TYR: variants seen among roughly 807,000 people sequenced by gnomAD.
TYR encodes tyrosinase.
In TYR, 58 loss-of-function variants were observed where a neutral mutation model predicts 51.5. The observed-to-expected ratio is 1.13, with a 90% CI of 0.91 to 1.40. TYR has a LOEUF of 1.40. Among genes scored for constraint, TYR ranks in the 40% most tolerant of loss-of-function variants. TYR has a pLI of 0.00. For missense variants in TYR, 732 were observed against 647.4 expected (o/e 1.13, Z -1.42); for synonymous variants, 263 against 235.2 (o/e 1.12, Z -1.08).
Position 89,182,060 on chromosome 11 carries a change from G to A in TYR, c.819+3288G>A, listed in dbSNP as rs142145204. ...CTCAGGTAGAGTTGACCCTCTCCCC[G>A]TCTTTGTGCTATCATTGTACTTTAT... On this transcript the variant is annotated intron_variant, in intron 1 of 4. Coordinates refer to ENST00000263321, the MANE Select transcript of TYR (RefSeq NM_000372.5). Among the ~76,000 whole-genome samples the A allele has an allele frequency of 5.6e-3, 849 of 152,178 alleles. 6 individuals carry two copies. Among genetic ancestry groups the A allele is most frequent in the African/African-American group, 0.019 (798 of 41,540 alleles).
At chr11:89,257,579 G>A (rs958068970) in intron 3 of TYR, among the ~76,000 whole-genome samples, 3 of 152,080 alleles carry the variant, frequency 2.0e-5, no homozygotes, top group East Asian at 1.9e-4. Context: ...AATGAGACAT[G>A]AAATGTTAAT....
intron 3 of TYR, among the ~76,000 whole-genome samples, chr11:89,273,332 G>C (rs545313534): frequency 6.6e-6 from 1 of 151,900 alleles, no homozygotes; most frequent in Admixed American, 6.6e-5. Context: ...ATGTGTCAGA[G>C]AATAGGGAGG....
chr11:89,196,394 C>A lies in TYR; in HGVS notation c.1036+4976C>A, dbSNP rs571882601. On this transcript the variant is annotated intron_variant, in intron 2 of 4. Coordinates refer to ENST00000263321, the MANE Select transcript of TYR (RefSeq NM_000372.5). ...TTCAAAAATGAGGTGACAGCAGGAA[C>A]AAAGGTATCTTCTGTTACCCAAAAG... Among the ~76,000 whole-genome samples the A allele has an allele frequency of 2.7e-4, 41 of 152,140 alleles. No homozygotes were observed. The South Asian group carries it at 5.6e-3, about 21-fold the overall frequency.
intron 3 of TYR, among the ~76,000 whole-genome samples, chr11:89,257,185 C>G (rs1211718621): frequency 1.3e-5 from 2 of 151,980 alleles, no homozygotes; most frequent in Admixed American, 6.6e-5. Context: ...CTTACACATT[C>G]TCAGCCCCAG....
intron 3 of TYR, among the ~76,000 whole-genome samples, chr11:89,269,773 G>A (rs1343600894): frequency 4.0e-5 from 6 of 151,840 alleles, no homozygotes; most frequent in African/African-American, 1.5e-4. Flanking sequence ...TACTCTTAAA[G>A]TGTGGAGTTC....
rs763127567 is a variant in TYR at position 89,227,847 on chromosome 11, T to C, written c.1061T>C (p.Ile354Thr). 3 of 1,613,216 alleles carry C rather than the reference T, an allele frequency of 1.9e-6. No homozygotes were observed. The highest frequency in any genetic ancestry group is 2.7e-5 in the African/African-American group (2 of 74,900). The change falls in exon 3 of 5, where the codon ATA becomes ACA. Residue 354 changes from isoleucine to threonine, a missense_variant. Ile to Thr is a moderately conservative substitution (Grantham distance 89). Coordinates refer to ENST00000263321, the MANE Select transcript of TYR (RefSeq NM_000372.5). ...LEGFASPLTG[I>T]ADASQSSMHN... ...GGATTTGCTAGTCCACTTACTGGGA[T>C]AGCGGATGCCTCTCAAAGCAGCATG...
intron 3 of TYR, among the ~76,000 whole-genome samples, chr11:89,247,380 T>C (rs1357580084): frequency 5.9e-5 from 9 of 152,242 alleles, no homozygotes; most frequent in African/African-American, 1.9e-4. Flanking sequence ...GGGTTATCAG[T>C]AGCATTTTGT....
At chr11:89,276,271 A>G (rs1944653387) in intron 3 of TYR, among the ~76,000 whole-genome samples, 1 of 151,816 alleles carries the variant, frequency 6.6e-6, no homozygotes, top group African/African-American at 2.4e-5. Context: ...TTTAACTGAC[A>G]ATCTAGCATC....
chr11:89,263,499 C>G (rs1191677451), intron 3 of TYR, among the ~76,000 whole-genome samples: 4 of 151,814 alleles, frequency 2.6e-5, no homozygotes, highest in East Asian at 3.9e-4. Flanking sequence ...CACATTGTAT[C>G]GAAGGTTTAA....
intron 3 of TYR, among the ~76,000 whole-genome samples, chr11:89,243,239 T>C (rs1272466954): frequency 1.3e-5 from 2 of 152,230 alleles, no homozygotes; most frequent in East Asian, 1.9e-4. Flanking sequence ...AGATTCCGTT[T>C]TATTGTTTTA....
rs574995971 is a variant in TYR at position 89,284,866 on chromosome 11, G to A, written c.1278G>A (p.Met426Ile). Residue 426 changes from methionine to isoleucine, a missense_variant, in exon 4 of 5, where the codon ATG becomes ATA. Met to Ile is a conservative substitution (Grantham distance 10). Transcript: ENST00000263321. The stretch of plus-strand genomic sequence containing the variant: ...TTGGACATAACCGGGAATCCTACAT[G>A]GTTCCTTTTATACCACTGTACAGAA... ...APIGHNRESY[M>I]VPFIPLYRNG... is the part of the protein sequence containing the mutation. 2.5e-6 allele frequency: 4 copies of A among 1,611,716 alleles called. No individual in the cohort carries two copies. Among genetic ancestry groups the A allele is most frequent in the East Asian group, 4.5e-5 (2 of 44,810 alleles).
In TYR at chr11:89,295,370, G is replaced by C. The variant is rs565131194; in HGVS notation, c.*4G>C. ...CTTGTATCAGAGCCATTTATAAAAGGCTTAGGCAATAGAGTAGGGCCAAAA... is the reference window on the plus strand; with the variant it reads ...CTTGTATCAGAGCCATTTATAAAAGCCTTAGGCAATAGAGTAGGGCCAAAA... On this transcript the variant is annotated 3_prime_UTR_variant, in exon 5 of 5. Coordinates refer to ENST00000263321, the MANE Select transcript of TYR (RefSeq NM_000372.5). 146 of 1,596,766 alleles carry C rather than the reference G, an allele frequency of 9.1e-5. No individual in the cohort carries two copies. The highest frequency in any genetic ancestry group is 1.2e-4 in the Non-Finnish European group (135 of 1,167,506).
intron 4 of TYR, among the ~76,000 whole-genome samples, chr11:89,294,770 A>C (rs1353220489): frequency 6.6e-6 from 1 of 152,350 alleles, no homozygotes; most frequent in Non-Finnish European, 1.5e-5. Context: ...GGATTAGTGA[A>C]TGGTTAATGA....
intron 3 of TYR, among the ~76,000 whole-genome samples, chr11:89,282,312 A>T (rs1212164108): frequency 6.6e-6 from 1 of 151,814 alleles, no homozygotes; most frequent in Non-Finnish European, 1.5e-5. Context: ...AAATCAGTCA[A>T]AATTTGACAG....
At chr11:89,233,666 G>C (rs1944078356) in intron 3 of TYR, among the ~76,000 whole-genome samples, 2 of 142,188 alleles carry the variant, frequency 1.4e-5, no homozygotes, top group Non-Finnish European at 3.0e-5. Flanking sequence ...TCATCTCCTA[G>C]TATATCTTCC....
intron 2 of TYR, among the ~76,000 whole-genome samples, chr11:89,225,040 G>T (rs1324966978): frequency 6.6e-6 from 1 of 151,446 alleles, no homozygotes; most frequent in Non-Finnish European, 1.5e-5. Flanking sequence ...GTTATTTATG[G>T]GAACAAAGCT....
chr11:89,185,273 C>G (rs777425707), intron 1 of TYR, among the ~76,000 whole-genome samples: 1 of 151,994 alleles, frequency 6.6e-6, no homozygotes, highest in Non-Finnish European at 1.5e-5. Flanking sequence ...AGATATCTCC[C>G]TTATGGCCTA....
chr11:89,295,231 G>A lies in TYR; in HGVS notation c.1455G>A (p.Gly485=), dbSNP rs376426236. Residue 485 remains glycine (G), a synonymous_variant, in exon 5 of 5, where the codon GGG becomes GGA. Coordinates refer to ENST00000263321, the MANE Select transcript of TYR (RefSeq NM_000372.5). ...GGCTCCTTGGGGCGGCGATGGTAGG[G>A]GCCGTCCTCACTGCCCTGCTGGCAG... ...WSWLLGAAMV[G]AVLTALLAGL... 2.3e-5 allele frequency: 37 copies of A among 1,613,848 alleles called. No individual in the cohort carries two copies. Among genetic ancestry groups the A allele is most frequent in the South Asian group, 3.3e-5 (3 of 91,080 alleles).
chr11:89,271,174 T>C (rs1414277060), intron 3 of TYR, among the ~76,000 whole-genome samples: 1 of 151,870 alleles, frequency 6.6e-6, no homozygotes, highest in Admixed American at 6.6e-5. Context: ...ATGCTACACG[T>C]TACTCTAATT....
Sources: allele counts gnomAD v4.1 joint callset (sites outside exome capture counted in the v4.1 genomes callset), GRCh38; gene constraint gnomAD v4.1.1; transcripts MANE v1.5; gene names NCBI Gene and HGNC (gene_info 2026-07-23, HGNC 2026-07-21).